Variants in CDC42BPA observed in about 807,000 individuals in gnomAD.
The protein encoded by CDC42BPA is serine/threonine-protein kinase MRCK alpha.
Under a neutral mutation model 223.5 loss-of-function variants are expected in CDC42BPA, and 80 were observed. The ratio of observed to expected loss-of-function variants is 0.36; its 90% CI spans 0.30 to 0.43. The LOEUF (loss-of-function observed/expected upper bound fraction) is 0.43. CDC42BPA is among the 20% of genes least tolerant of loss of function. The pLI is 1.00. For missense variants in CDC42BPA, 1,743 were observed against 2,099.9 expected, an observed-to-expected ratio of 0.83 and a Z score of 3.32; for synonymous variants, 694 against 718.6, an observed-to-expected ratio of 0.97 and a Z score of 0.55.
rs1309498246 is a variant in CDC42BPA at position 227,230,812 on chromosome 1, C to CTTTTTTTTTTTTTT, written c.271-17594_271-17593insAAAAAAAAAAAAAA. 2.6e-4 allele frequency among the ~76,000 whole-genome samples: 29 copies of CTTTTTTTTTTTTTT among 111,748 alleles called. 1 individual carries two copies. The highest frequency in any genetic ancestry group is 6.1e-4 in the South Asian group (2 of 3,258). 73.3% of individuals were successfully genotyped at this position (111,748 alleles called of 152,430 possible). On this transcript the variant is annotated intron_variant, in intron 2 of 36. Transcript: ENST00000366766. ...GCTAACTGATTTCTATTTCTTTTTT[C>CTTTTTTTTTTTTTT]TTTCTTTCTTTTTTTTTTTTTTTTT...
chr1:227,215,222 C>T (rs141744720), intron 2 of CDC42BPA, among the ~76,000 whole-genome samples: 38 of 152,252 alleles, frequency 2.5e-4, no homozygotes, highest in African/African-American at 6.0e-4. Flanking sequence ...ATAATGATGA[C>T]GCCTAATATT....
chr1:226,999,414 G>A (rs546366719), intron 35 of CDC42BPA, among the ~76,000 whole-genome samples: 1 of 152,250 alleles, frequency 6.6e-6, no homozygotes, highest in East Asian at 1.9e-4. Context: ...CTGACCTCGT[G>A]ATCCACCCAC....
intron 4 of CDC42BPA, among the ~76,000 whole-genome samples, chr1:227,197,042 A>G (rs1670876076): frequency 6.6e-6 from 1 of 152,188 alleles, no homozygotes; most frequent in African/African-American, 2.4e-5. Context: ...TCTGAAACAC[A>G]CAAAAAGTCT....
At chr1:227,044,195 G>A (rs1195233242) in intron 23 of CDC42BPA, among the ~76,000 whole-genome samples, 1 of 152,128 alleles carries the variant, frequency 6.6e-6, no homozygotes, top group Non-Finnish European at 1.5e-5. Flanking sequence ...GGGATTTCTA[G>A]TCTTTTTCAT....
chr1:227,231,952 T>C (rs1303497649), intron 2 of CDC42BPA, among the ~76,000 whole-genome samples: 2 of 152,228 alleles, frequency 1.3e-5, no homozygotes, highest in East Asian at 1.9e-4. Context: ...ACTCTGATGA[T>C]AGTTTCTTTT....
At chr1:227,190,125 T>C (rs1669472541) in intron 5 of CDC42BPA, among the ~76,000 whole-genome samples, 1 of 152,240 alleles carries the variant, frequency 6.6e-6, no homozygotes, top group South Asian at 2.1e-4. Flanking sequence ...CCAAAACTAC[T>C]ATTTACCTTC....
chr1:227,305,850 C>CA (rs1692441761), intron 1 of CDC42BPA, among the ~76,000 whole-genome samples: 1 of 152,164 alleles, frequency 6.6e-6, no homozygotes. Context: ...CCTATAATCC[C>CA]AGCTACTCGG....
chr1:227,153,173 A>C (rs1662106285), intron 6 of CDC42BPA, among the ~76,000 whole-genome samples: 1 of 151,952 alleles, frequency 6.6e-6, no homozygotes, highest in African/African-American at 2.4e-5. Flanking sequence ...AACACAAAAA[A>C]ACTGAATGAC....
chr1:227,253,560 C>T (rs567772060), intron 2 of CDC42BPA, among the ~76,000 whole-genome samples: 35 of 152,118 alleles, frequency 2.3e-4, no homozygotes, highest in Non-Finnish European at 4.0e-4. Flanking sequence ...CATGCCACTG[C>T]GCTCCAGCCT....
chr1:227,029,795 T>C (rs1242358316), intron 29 of CDC42BPA, among the ~76,000 whole-genome samples: 5 of 152,144 alleles, frequency 3.3e-5, no homozygotes, highest in Admixed American at 2.6e-4. Flanking sequence ...AATAGAACAA[T>C]GTGAAAATCA....
intron 35 of CDC42BPA, among the ~76,000 whole-genome samples, chr1:227,001,504 A>G (rs1040800461): frequency 6.6e-5 from 10 of 152,200 alleles, no homozygotes; most frequent in African/African-American, 2.4e-4. Flanking sequence ...GGCTCTTTAA[A>G]TCTTTGCAGT....
intron 6 of CDC42BPA, among the ~76,000 whole-genome samples, chr1:227,156,355 ATGT>A (rs1662776174): frequency 6.6e-6 from 1 of 151,406 alleles, no homozygotes; most frequent in African/African-American, 2.4e-5. Context: ...AGGTCTTGCT[ATGT>A]TGCTCAGGCT....
Position 227,317,668 on chromosome 1 carries a change from CAG to C in CDC42BPA, c.-488_-487del, listed in dbSNP as rs1297276550. ...AAAAACAGAAAAGGGAGGAAAAAAA[CAG>C]AATGCATAGAAGGGGGAGGGAAAAC... On this transcript the variant is annotated 5_prime_UTR_variant, in exon 1 of 37. An upstream open reading frame in the 5' UTR loses its in-frame stop. Transcript: ENST00000366766. The C allele has an allele frequency of 2.5e-5, 10 of 397,406 alleles. No individual in the cohort carries two copies. The highest frequency in any genetic ancestry group is 1.3e-4 in the South Asian group (1 of 7,750). The allele number at this position is 397,406 out of a possible 1,614,324, so 24.6% of individuals were successfully genotyped here. A position where few individuals can be genotyped will look rare whatever the true frequency, so the allele number is the denominator to read the frequency against.
intron 5 of CDC42BPA, among the ~76,000 whole-genome samples, chr1:227,163,665 G>A (rs933388989): frequency 4.6e-5 from 7 of 151,134 alleles, no homozygotes; most frequent in African/African-American, 1.7e-4. Flanking sequence ...TTCATGATGT[G>A]TTACAAATCC....
chr1:227,216,056 G>C (rs1043313607), intron 2 of CDC42BPA, among the ~76,000 whole-genome samples: 7 of 152,052 alleles, frequency 4.6e-5, no homozygotes. Flanking sequence ...ATACGGAAAA[G>C]TTCACAGTAT....
chr1:227,282,025 A>G (rs1688089542), intron 1 of CDC42BPA, among the ~76,000 whole-genome samples: 1 of 152,088 alleles, frequency 6.6e-6, no homozygotes, highest in Non-Finnish European at 1.5e-5. Flanking sequence ...CCCCGTCTCT[A>G]CTAAAAATAC....
At chr1:227,268,834 T>C (rs528179954) in intron 1 of CDC42BPA, among the ~76,000 whole-genome samples, 2 of 151,516 alleles carry the variant, frequency 1.3e-5, no homozygotes, top group South Asian at 4.2e-4. Flanking sequence ...TACAGGCACA[T>C]GCTACTACGC....
At chr1:227,132,483 ACATCT>A (rs1657358813) in intron 10 of CDC42BPA, among the ~76,000 whole-genome samples, 1 of 127,566 alleles carries the variant, frequency 7.8e-6, no homozygotes, top group African/African-American at 3.4e-5. Flanking sequence ...GCTCGCTACA[ACATCT>A]ACCTCCCAGC....
chr1:227,230,816 C>CTTTTTTTTTTTTTTTTTTTTTT lies in CDC42BPA; in HGVS notation c.271-17598_271-17597insAAAAAAAAAAAAAAAAAAAAAA, dbSNP rs34787332. Reference sequence around the variant, plus strand: ...ACTGATTTCTATTTCTTTTTTCTTTCTTTCTTTTTTTTTTTTTTTTTTTGA... The same window carrying CTTTTTTTTTTTTTTTTTTTTTT: ...ACTGATTTCTATTTCTTTTTTCTTTCTTTTTTTTTTTTTTTTTTTTTTTTTCTTTTTTTTTTTTTTTTTTTGA... On this transcript the variant is annotated intron_variant, in intron 2 of 36. Transcript: ENST00000366766. 5.2e-4 allele frequency among the ~76,000 whole-genome samples: 28 copies of CTTTTTTTTTTTTTTTTTTTTTT among 54,058 alleles called. 2 individuals are homozygous for CTTTTTTTTTTTTTTTTTTTTTT. Among genetic ancestry groups the CTTTTTTTTTTTTTTTTTTTTTT allele is most frequent in the Non-Finnish European group, 8.1e-4 (21 of 26,056 alleles). 35.5% of individuals were successfully genotyped at this position (54,058 alleles called of 152,430 possible).
Sources: gnomAD v4.1 joint callset for allele counts (sites outside exome capture counted in the v4.1 genomes callset) on GRCh38, gnomAD v4.1.1 for gene constraint, MANE v1.5 for transcripts, NCBI Gene and HGNC (gene_info 2026-07-23, HGNC 2026-07-21) for gene names.